Variants in AKT3 observed in about 807,000 individuals in gnomAD.
AKT3 encodes the protein RAC-gamma serine/threonine-protein kinase.
In AKT3, 15 loss-of-function variants were observed where a neutral mutation model predicts 65.3. That is an observed-to-expected ratio of 0.23 (90% CI 0.15 to 0.35). AKT3 has a LOEUF of 0.35. AKT3 is among the 10% of genes least tolerant of loss of function. The pLI is 1.00. For synonymous variants in AKT3, 206 were observed against 183.8 expected, an observed-to-expected ratio of 1.12 and a Z score of -0.98; for missense variants, 243 against 576.5, an observed-to-expected ratio of 0.42 and a Z score of 5.92.
intron 3 of AKT3, among the ~76,000 whole-genome samples, chr1:243,681,003 T>C (rs573943919): frequency 1.6e-4 from 25 of 152,210 alleles, no homozygotes; most frequent in African/African-American, 5.8e-4. Flanking sequence ...ACCTCTCACC[T>C]CAAGGCCCTA....
At chr1:243,750,406 TATAC>T (rs1298304094) in intron 2 of AKT3, among the ~76,000 whole-genome samples, 1 of 69,292 alleles carries the variant, frequency 1.4e-5, no homozygotes, top group Non-Finnish European at 3.2e-5. Flanking sequence ...TGCATGCACG[TATAC>T]ACACACACAC....
intron 2 of AKT3, among the ~76,000 whole-genome samples, chr1:243,801,083 G>A (rs1169229648): frequency 6.6e-6 from 1 of 152,124 alleles, no homozygotes; most frequent in Non-Finnish European, 1.5e-5. Flanking sequence ...TGACTTTATA[G>A]CTTAAACTAG....
At chr1:243,690,584 G>A (rs1042578596) in intron 3 of AKT3, among the ~76,000 whole-genome samples, 44 of 152,068 alleles carry the variant, frequency 2.9e-4, no homozygotes, top group African/African-American at 1.0e-3. Context: ...CCCAAAGAAG[G>A]GTGAACGTCA....
chr1:243,807,656 G>A (rs1439665367), intron 2 of AKT3, among the ~76,000 whole-genome samples: 1 of 152,168 alleles, frequency 6.6e-6, no homozygotes, highest in African/African-American at 2.4e-5. Flanking sequence ...AGACTTAAAT[G>A]TCCCTGTCTG....
rs147288876 is a variant in AKT3, at chr1:243,810,749, C to T, written c.46+32376G>A. Among the ~76,000 whole-genome samples the T allele has an allele frequency of 5.1e-3, 775 of 152,242 alleles. 9 individuals are homozygous for T. Among genetic ancestry groups the T allele is most frequent in the African/African-American group, 0.018 (736 of 41,540 alleles). On this transcript the variant is annotated intron_variant, in intron 2 of 13. Transcript: ENST00000673466. ...AAAAAGAGAATTTTAGACCAACATCCCTGATGAACATCGATGCAAAAATCC... is the reference window on the plus strand; with the variant it reads ...AAAAAGAGAATTTTAGACCAACATCTCTGATGAACATCGATGCAAAAATCC...
intron 2 of AKT3, among the ~76,000 whole-genome samples, chr1:243,826,837 A>G (rs1694197260): frequency 1.3e-5 from 2 of 152,250 alleles, no homozygotes; most frequent in African/African-American, 4.8e-5. Flanking sequence ...TATGATGTAC[A>G]ATTCCTTTAA....
chr1:243,531,468 G>C (rs939043971), intron 12 of AKT3, among the ~76,000 whole-genome samples: 2 of 152,122 alleles, frequency 1.3e-5, no homozygotes, highest in Non-Finnish European at 2.9e-5. Context: ...TCATTTGCAT[G>C]CAAGTTTTTA....
intron 6 of AKT3, 101 bp from the exon 7 acceptor site, chr1:243,615,262 G>A (rs1003440112): frequency 2.2e-5 from 19 of 870,794 alleles, no homozygotes; most frequent in African/African-American, 6.7e-5. Flanking sequence ...CCCAGAGATT[G>A]AAAAGGATTT....
intron 8 of AKT3, among the ~76,000 whole-genome samples, chr1:243,593,751 A>G (rs1395970408): frequency 6.6e-6 from 1 of 152,314 alleles, no homozygotes; most frequent in South Asian, 2.1e-4. Context: ...AGAAAAGTCA[A>G]TGTCCACTGA....
At chr1:243,744,725 C>T (rs1489170231) in intron 2 of AKT3, among the ~76,000 whole-genome samples, 2 of 130,712 alleles carry the variant, frequency 1.5e-5, no homozygotes, top group African/African-American at 5.9e-5. Flanking sequence ...GGTGACAGAG[C>T]GAGACTCCGT....
At chr1:243,755,376 C>A (rs1260309985) in intron 2 of AKT3, among the ~76,000 whole-genome samples, 22 of 151,864 alleles carry the variant, frequency 1.4e-4, no homozygotes, top group Admixed American at 1.2e-3. Flanking sequence ...GCCCGGTCTC[C>A]TTTTTAATTC....
chr1:243,695,424 G>A (rs549206118), intron 3 of AKT3, among the ~76,000 whole-genome samples, 167 bp downstream of exon 3: 20 of 151,932 alleles, frequency 1.3e-4, no homozygotes, highest in East Asian at 3.9e-4. Flanking sequence ...AAATGTTATC[G>A]ATAACCTCTA....
At chr1:243,784,798 AC>A (rs1691144091) in intron 2 of AKT3, among the ~76,000 whole-genome samples, 1 of 149,238 alleles carries the variant, frequency 6.7e-6, no homozygotes, top group African/African-American at 2.6e-5. Context: ...TCCCCCTCCC[AC>A]CCCTAGGCTG....
At chr1:243,561,546 T>C (rs1009952192) in intron 10 of AKT3, among the ~76,000 whole-genome samples, 5 of 152,160 alleles carry the variant, frequency 3.3e-5, no homozygotes, top group African/African-American at 4.8e-5. Context: ...CTTTAAAAAA[T>C]TGCATTTGCT....
At chr1:243,841,101 T>A (rs138178410) in intron 2 of AKT3, among the ~76,000 whole-genome samples, 3,219 of 152,222 alleles carry the variant, frequency 0.021, 62 homozygotes, top group Admixed American at 0.036. Flanking sequence ...CACATACACA[T>A]TATTAGAAAC....
chr1:243,756,199 C>G (rs1194884575), intron 2 of AKT3, among the ~76,000 whole-genome samples: 2 of 152,190 alleles, frequency 1.3e-5, no homozygotes, highest in Non-Finnish European at 2.9e-5. Flanking sequence ...GTATGTCATA[C>G]AATTATTTCC....
chr1:243,829,888 C>G (rs547270273), intron 2 of AKT3, among the ~76,000 whole-genome samples: 1 of 152,310 alleles, frequency 6.6e-6, no homozygotes, highest in South Asian at 2.1e-4. Flanking sequence ...CCGAAGGCCC[C>G]TACAGTGACA....
intron 2 of AKT3, among the ~76,000 whole-genome samples, chr1:243,839,677 G>A (rs760975996): frequency 2.0e-4 from 30 of 151,748 alleles, no homozygotes; most frequent in Non-Finnish European, 3.5e-4. Flanking sequence ...TATTTTCCAA[G>A]AAGATATTTA....
intron 8 of AKT3, 138 bp from the exon 9 acceptor site, chr1:243,573,186 A>T: frequency 1.0e-6 from 1 of 986,216 alleles, no homozygotes; most frequent in Non-Finnish European, 1.4e-6. Context: ...GCACTCTTAG[A>T]CAGCAGCTGG....
Sources: allele counts gnomAD v4.1 joint callset (sites outside exome capture counted in the v4.1 genomes callset), GRCh38; gene constraint gnomAD v4.1.1; transcripts MANE v1.5; gene names NCBI Gene and HGNC (gene_info 2026-07-23, HGNC 2026-07-21).